AGFG1: variants seen among roughly 807,000 people sequenced by gnomAD.
AGFG1 encodes arf-GAP domain and FG repeat-containing protein 1.
A neutral mutation model predicts 60.6 loss-of-function variants in AGFG1; 10 were observed. The ratio of observed to expected loss-of-function variants is 0.16; its 90% CI spans 0.10 to 0.28. AGFG1 has a LOEUF of 0.28. Ranked by LOEUF, AGFG1 falls within the 10% of genes least tolerant of loss-of-function variation. The probability of loss-of-function intolerance (pLI) is 1.00; values close to 1 mark genes in which losing one functional copy is unlikely to be tolerated. For synonymous variants in AGFG1, 247 were observed against 242.9 expected, an observed-to-expected ratio of 1.02 and a Z score of -0.16; for missense variants, 537 against 676.5, an observed-to-expected ratio of 0.79 and a Z score of 2.29.
chr2:227,517,290 G>C (rs989255485), intron 2 of AGFG1, among the ~76,000 whole-genome samples: 1 of 152,118 alleles, frequency 6.6e-6, no homozygotes, highest in Admixed American at 6.5e-5. Flanking sequence ...AGACAGACAC[G>C]GAGTCTCACT....
chr2:227,534,144 T>G (rs1239153355), intron 7 of AGFG1, among the ~76,000 whole-genome samples: 1 of 152,118 alleles, frequency 6.6e-6, no homozygotes, highest in Non-Finnish European at 1.5e-5. Flanking sequence ...TGGTGGGTTT[T>G]TTATATTTAA....
At chr2:227,505,089 A>C (rs1691270163) in intron 2 of AGFG1, among the ~76,000 whole-genome samples, 1 of 152,168 alleles carries the variant, frequency 6.6e-6, no homozygotes, top group Admixed American at 6.6e-5. Flanking sequence ...ATGTATTTTG[A>C]AACTTTATTA....
chr2:227,506,011 G>C (rs937241498), intron 2 of AGFG1, among the ~76,000 whole-genome samples: 1 of 152,070 alleles, frequency 6.6e-6, no homozygotes, highest in African/African-American at 2.4e-5. Context: ...CAAAATGCTG[G>C]GATTACAGGC....
chr2:227,472,820 A>T (rs547356446), intron 1 of AGFG1, among the ~76,000 whole-genome samples: 3 of 138,114 alleles, frequency 2.2e-5, no homozygotes, highest in Non-Finnish European at 4.6e-5. Flanking sequence ...GCGAGGGTTT[A>T]CGTTCTGGGC....
In AGFG1 at chr2:227,533,833, C is replaced by A; in HGVS notation, c.1024+75C>A. 3.0e-6 allele frequency: 4 copies of A among 1,322,956 alleles called. No homozygotes were observed. The South Asian group carries it at 5.4e-5, about 18-fold the overall frequency. 82.0% of individuals were successfully genotyped at this position (1,322,956 alleles called of 1,614,324 possible). A position where few individuals can be genotyped will look rare whatever the true frequency, so the allele number is the denominator to read the frequency against. On this transcript the variant is annotated intron_variant, in intron 7 of 12. Coordinates refer to ENST00000310078, the MANE Select transcript of AGFG1 (RefSeq NM_004504.5). Reference sequence around the variant, plus strand: ...TTAATTTGGTTGTATTTATTAAAATCTGAACATGCTACACTTTTCTCAGTT... The same window carrying A: ...TTAATTTGGTTGTATTTATTAAAATATGAACATGCTACACTTTTCTCAGTT...
intron 2 of AGFG1, among the ~76,000 whole-genome samples, chr2:227,502,173 T>G (rs1691178250): frequency 6.6e-6 from 1 of 152,110 alleles, no homozygotes. Flanking sequence ...AAACCTTCTT[T>G]TGAGAGTTAT....
At chr2:227,553,341 C>G (rs1409344830) in intron 11 of AGFG1, among the ~76,000 whole-genome samples, 1 of 151,678 alleles carries the variant, frequency 6.6e-6, no homozygotes, top group African/African-American at 2.4e-5. Flanking sequence ...ACAAAAAATA[C>G]AAAAATTAGC....
chr2:227,539,127 A>G (rs1692403346), intron 10 of AGFG1, among the ~76,000 whole-genome samples: 1 of 152,168 alleles, frequency 6.6e-6, no homozygotes, highest in Non-Finnish European at 1.5e-5. Context: ...ATATTATTTA[A>G]GAATTTTTTG....
In AGFG1 at chr2:227,558,610, TTTC is replaced by T. The variant is rs376009513; in HGVS notation, c.*4118_*4120del. ...TGTATTCATCCTCATTAGTTAAGTT[TTTC>T]TTTTTATGTTTTAAAACTTAGTGAC... On this transcript the variant is annotated 3_prime_UTR_variant, in exon 13 of 13. Coordinates refer to ENST00000310078, the MANE Select transcript of AGFG1 (RefSeq NM_004504.5). 1.5e-3 allele frequency: 224 copies of T among 152,316 alleles called. 3 individuals are homozygous for T. Among genetic ancestry groups the T allele is most frequent in the African/African-American group, 5.1e-3 (210 of 41,562 alleles). The allele number at this position is 152,316 out of a possible 1,614,324, so 9.4% of individuals were successfully genotyped here.
At chr2:227,526,801 C>T (rs1041040878) in intron 5 of AGFG1, among the ~76,000 whole-genome samples, 1 of 152,136 alleles carries the variant, frequency 6.6e-6, no homozygotes, top group Non-Finnish European at 1.5e-5. Flanking sequence ...GCCTTGGCCT[C>T]CCAAAGTACT....
chr2:227,496,044 G>C (rs1303934814), intron 2 of AGFG1, among the ~76,000 whole-genome samples: 1 of 151,334 alleles, frequency 6.6e-6, no homozygotes, highest in Non-Finnish European at 1.5e-5. Context: ...CTTGAACCTG[G>C]GAGGTGGAGG....
At chr2:227,488,464 T>A (rs1380140915) in intron 1 of AGFG1, among the ~76,000 whole-genome samples, 1 of 152,240 alleles carries the variant, frequency 6.6e-6, no homozygotes, top group Non-Finnish European at 1.5e-5. Context: ...GTGTTTGATA[T>A]GTCCTCATCA....
At chr2:227,497,244 T>A (rs1419713829) in intron 2 of AGFG1, among the ~76,000 whole-genome samples, 1 of 149,636 alleles carries the variant, frequency 6.7e-6, no homozygotes, top group Non-Finnish European at 1.5e-5. Context: ...AGGCTAGTGA[T>A]GACCCAGTTT....
At position 227,560,454 on chromosome 2, in the gene AGFG1, A is replaced by G. The variant is rs1693105316; in HGVS notation, c.*5959A>G. Reference sequence around the variant, plus strand: ...AATCTCTCTGACTATCTGAAGATATATGAAAAAGCCTATGCTTTTAAATTA... The same window carrying G: ...AATCTCTCTGACTATCTGAAGATATGTGAAAAAGCCTATGCTTTTAAATTA... On this transcript the variant is annotated 3_prime_UTR_variant, in exon 13 of 13. Transcript: ENST00000310078. 1 of 152,140 alleles carries G rather than the reference A, an allele frequency of 6.6e-6. No homozygotes were observed. The highest frequency in any genetic ancestry group is 1.5e-5 in the Non-Finnish European group (1 of 67,978). 9.4% of individuals were successfully genotyped at this position (152,140 alleles called of 1,614,324 possible).
At chr2:227,494,381 T>A (rs1690913850) in intron 2 of AGFG1, among the ~76,000 whole-genome samples, 1 of 152,220 alleles carries the variant, frequency 6.6e-6, no homozygotes. Context: ...TTTTAATAGT[T>A]TGGAAAGGGC....
intron 2 of AGFG1, among the ~76,000 whole-genome samples, chr2:227,504,171 A>G (rs1391724918): frequency 6.6e-6 from 1 of 150,552 alleles, no homozygotes; most frequent in Admixed American, 6.6e-5. Context: ...CGGAAGAGGC[A>G]GGGACACTTG....
intron 2 of AGFG1, among the ~76,000 whole-genome samples, chr2:227,515,057 G>T (rs1472980997): frequency 1.3e-5 from 2 of 152,030 alleles, no homozygotes; most frequent in East Asian, 3.9e-4. Flanking sequence ...CGAGTAGCTG[G>T]GACTACACAT....
Position 227,556,679 on chromosome 2 carries a change from T to C in AGFG1, c.*2184T>C, listed in dbSNP as rs1186497340. 3 of 152,682 alleles carry C rather than the reference T, an allele frequency of 2.0e-5. No individual in the cohort carries two copies. Among genetic ancestry groups the C allele is most frequent in the African/African-American group, 7.2e-5 (3 of 41,468 alleles). 9.5% of individuals were successfully genotyped at this position (152,682 alleles called of 1,614,324 possible). A position where few individuals can be genotyped will look rare whatever the true frequency, so the allele number is the denominator to read the frequency against. ...TTGTTATCAAAATGATTTTAAAGAC[T>C]ATTTCTTTTTCTGGGTAACTATTGA... On this transcript the variant is annotated 3_prime_UTR_variant, in exon 13 of 13. Transcript: ENST00000310078.
Position 227,536,882 on chromosome 2 carries a change from A to G in AGFG1, c.1286-19A>G, listed in dbSNP as rs1168429774. The G allele has an allele frequency of 1.9e-6, 3 of 1,604,050 alleles. No homozygotes were observed. The African/African-American group carries it at 4.0e-5, about 22-fold the overall frequency. ...AAAATGTATTAGGATTTTATAGTGTATTTTATAATTTTTTAAAGCTACGCC... is the reference window on the plus strand; with the variant it reads ...AAAATGTATTAGGATTTTATAGTGTGTTTTATAATTTTTTAAAGCTACGCC... On this transcript the variant is annotated intron_variant, in intron 9 of 12. Coordinates refer to ENST00000310078, the MANE Select transcript of AGFG1 (RefSeq NM_004504.5).
Sources: gnomAD v4.1 joint callset for allele counts (sites outside exome capture counted in the v4.1 genomes callset) on GRCh38, gnomAD v4.1.1 for gene constraint, MANE v1.5 for transcripts, NCBI Gene and HGNC (gene_info 2026-07-23, HGNC 2026-07-21) for gene names.